PHLDB2: variants seen among roughly 807,000 people sequenced by gnomAD.
PHLDB2 encodes the protein pleckstrin homology like domain family B member 2.
A neutral mutation model predicts 123.6 loss-of-function variants in PHLDB2; 71 were observed. That is an observed-to-expected ratio of 0.57 (90% CI 0.47 to 0.70). The LOEUF is 0.70. Ranked by LOEUF, PHLDB2 falls within the 30% of genes least tolerant of loss-of-function variation. PHLDB2 has a pLI of 0.00. For synonymous variants in PHLDB2, 547 were observed against 541.6 expected (o/e 1.01, Z -0.14); for missense variants, 1,446 against 1,519.5 (o/e 0.95, Z 0.80).
intron 1 of PHLDB2, among the ~76,000 whole-genome samples, chr3:111,811,436 T>C (rs1380514617): frequency 6.6e-6 from 1 of 152,176 alleles, no homozygotes; most frequent in East Asian, 1.9e-4. Context: ...ACTGGCAAAT[T>C]AAAGGGTAGA....
At chr3:111,935,040 T>C (rs2069386052) in intron 6 of PHLDB2, among the ~76,000 whole-genome samples, 1 of 151,942 alleles carries the variant, frequency 6.6e-6, no homozygotes, top group African/African-American at 2.4e-5. Context: ...CAGGTAACTG[T>C]CTTCTTGTGC....
intron 1 of PHLDB2, among the ~76,000 whole-genome samples, chr3:111,756,253 G>T (rs1320407273): frequency 1.3e-5 from 2 of 151,516 alleles, no homozygotes; most frequent in Non-Finnish European, 2.9e-5. Flanking sequence ...TGACAGTGGG[G>T]TGTTAAAGTC....
At chr3:111,905,123 C>T (rs974845125) in intron 2 of PHLDB2, among the ~76,000 whole-genome samples, 1 of 152,070 alleles carries the variant, frequency 6.6e-6, no homozygotes, top group Non-Finnish European at 1.5e-5. Flanking sequence ...AGAATAAAAC[C>T]ACCCCCCACA....
chr3:111,958,758 A>G lies in PHLDB2; in HGVS notation c.2873-3350A>G, dbSNP rs1559922894. On this transcript the variant is annotated intron_variant, in intron 12 of 17. Transcript: ENST00000431670. ...GTTTTAGTTGCTTTCCCACTGATTA[A>G]TGTTATTCTTGCTACATAATTAAAA... 3 of 455,172 alleles carry G rather than the reference A, an allele frequency of 6.6e-6. No homozygotes were observed. The Admixed American group carries it at 7.1e-5, about 11-fold the overall frequency. The allele number at this position is 455,172 out of a possible 1,614,324, so 28.2% of individuals were successfully genotyped here.
rs920320151 is a variant in PHLDB2 at position 111,975,738 on chromosome 3, T to G, written c.*1175T>G. 4.6e-5 allele frequency: 7 copies of G among 152,694 alleles called. No individual in the cohort carries two copies. The highest frequency in any genetic ancestry group is 1.0e-4 in the Non-Finnish European group (7 of 68,040). 9.5% of individuals were successfully genotyped at this position (152,694 alleles called of 1,614,324 possible). The stretch of plus-strand genomic sequence containing the variant: ...TTATAATGGTTTTTCAAGTGCCATT[T>G]ATTCTAGTTTATCATGTTTTGCATG... On this transcript the variant is annotated 3_prime_UTR_variant, in exon 18 of 18. Transcript: ENST00000431670.
chr3:111,795,189 C>A (rs2061101621), intron 1 of PHLDB2, among the ~76,000 whole-genome samples: 1 of 152,146 alleles, frequency 6.6e-6, no homozygotes, highest in African/African-American at 2.4e-5. Flanking sequence ...AGTTGCACTT[C>A]TTTATTTTAA....
Position 111,913,443 on chromosome 3 carries a change from A to G in PHLDB2, c.1460A>G (p.Gln487Arg). Residue 487 changes from glutamine to arginine, a missense_variant, in exon 3 of 18, where the codon CAG becomes CGG. Physicochemically the swap from Gln to Arg is conservative, Grantham distance 43. Around this residue, in one of 3 missense-constraint regions of PHLDB2, gnomAD observed 832 missense variants for 831.9 expected, o/e 1.00. Transcript: ENST00000431670. ...QKINKELEKL[Q>R]LSDEESVFEE... Reference sequence around the variant, plus strand: ...ATCAACAAGGAGCTTGAGAAGCTGCAGCTCTCTGATGAGGAGTCTGTGTTT... The same window carrying G: ...ATCAACAAGGAGCTTGAGAAGCTGCGGCTCTCTGATGAGGAGTCTGTGTTT... The G allele has an allele frequency of 4.3e-6, 7 of 1,614,170 alleles. No individual in the cohort carries two copies. Among genetic ancestry groups the G allele is most frequent in the Non-Finnish European group, 5.1e-6 (6 of 1,180,022 alleles).
chr3:111,732,516 C>A, exon 1 of PHLDB2: 2 of 1,052,864 alleles, frequency 1.9e-6, no homozygotes, highest in Non-Finnish European at 2.8e-6. Context: ...TCTGCAGAGG[C>A]CAGAGAGAGC....
chr3:111,812,767 TG>T (rs1312316207), intron 1 of PHLDB2, among the ~76,000 whole-genome samples: 1 of 152,214 alleles, frequency 6.6e-6, no homozygotes, highest in African/African-American at 2.4e-5. Flanking sequence ...GAATATAGCT[TG>T]GAGCCAGACA....
intron 1 of PHLDB2, among the ~76,000 whole-genome samples, chr3:111,750,468 A>T (rs954468504): frequency 2.0e-5 from 3 of 152,212 alleles, no homozygotes; most frequent in African/African-American, 7.2e-5. Flanking sequence ...CTGCAATGCA[A>T]GTTTCAGAAG....
chr3:111,770,610 T>C (rs868867118), intron 1 of PHLDB2, among the ~76,000 whole-genome samples: 1 of 152,122 alleles, frequency 6.6e-6, no homozygotes, highest in African/African-American at 2.4e-5. Context: ...CCATAACTTG[T>C]GTTATTATAG....
At chr3:111,845,463 G>A (rs1285841061) in intron 1 of PHLDB2, among the ~76,000 whole-genome samples, 1 of 151,480 alleles carries the variant, frequency 6.6e-6, no homozygotes, top group East Asian at 1.9e-4. Context: ...AAAAGCAGGG[G>A]ATGAAAAATA....
At chr3:111,876,887 A>G (rs1559880739) in intron 1 of PHLDB2, among the ~76,000 whole-genome samples, 1 of 152,204 alleles carries the variant, frequency 6.6e-6, no homozygotes, top group Non-Finnish European at 1.5e-5. Flanking sequence ...ATGTCCCTGC[A>G]AAAGACATGA....
chr3:111,813,063 A>C (rs550470890), intron 1 of PHLDB2, among the ~76,000 whole-genome samples: 2 of 152,372 alleles, frequency 1.3e-5, no homozygotes, highest in Non-Finnish European at 2.9e-5. Context: ...AGAGTGCTTT[A>C]GCACATAATG....
At chr3:111,937,047 A>T (rs1375126116) in intron 6 of PHLDB2, among the ~76,000 whole-genome samples, 3 of 152,244 alleles carry the variant, frequency 2.0e-5, no homozygotes, top group Admixed American at 1.3e-4. Context: ...AATTGAGCAC[A>T]TATTTTTTTG....
chr3:111,945,930 C>T (rs544647130), intron 9 of PHLDB2, among the ~76,000 whole-genome samples: 1 of 152,140 alleles, frequency 6.6e-6, no homozygotes, highest in Non-Finnish European at 1.5e-5. Context: ...CAGTCCCCAT[C>T]ACCACTTTGC....
chr3:111,753,563 G>A (rs1416763662), intron 1 of PHLDB2, among the ~76,000 whole-genome samples: 1 of 151,998 alleles, frequency 6.6e-6, no homozygotes. Context: ...TTTGTCAGAT[G>A]AGTAGGTTGC....
At chr3:111,898,781 G>C (rs1176569936) in intron 2 of PHLDB2, among the ~76,000 whole-genome samples, 1 of 152,188 alleles carries the variant, frequency 6.6e-6, no homozygotes, top group East Asian at 1.9e-4. Flanking sequence ...TTCCTCATCA[G>C]TTCAAGTTTT....
intron 1 of PHLDB2, among the ~76,000 whole-genome samples, chr3:111,751,643 C>G (rs1024116867): frequency 6.6e-5 from 9 of 137,048 alleles, no homozygotes; most frequent in African/African-American, 2.5e-4. Context: ...GAGTCAAATC[C>G]CTCAGTGCCT....
Sources: allele counts gnomAD v4.1 joint callset (sites outside exome capture counted in the v4.1 genomes callset), GRCh38; gene constraint gnomAD v4.1.1; regional missense constraint gnomAD v4.1.1; transcripts MANE v1.5; gene names NCBI Gene and HGNC (gene_info 2026-07-23, HGNC 2026-07-21).